The following KLHL3 variants were observed in gnomAD, a reference collection of about 807,000 sequenced individuals.
KLHL3 encodes the protein kelch-like protein 3.
KLHL3 carries 19 observed loss-of-function variants against 70.5 expected under a neutral mutation model. The observed-to-expected ratio is 0.27, with a 90% CI of 0.19 to 0.40. KLHL3 has a LOEUF of 0.40. Ranked by LOEUF, KLHL3 falls within the 10% of genes least tolerant of loss-of-function variation. KLHL3 has a pLI of 1.00. For missense variants in KLHL3, 512 were observed against 771.1 expected, an observed-to-expected ratio of 0.66 and a Z score of 3.98; for synonymous variants, 258 against 290.3, an observed-to-expected ratio of 0.89 and a Z score of 1.13.
In KLHL3 at chr5:137,705,127, G is replaced by A. The variant is rs141397798; in HGVS notation, c.241+4623C>T. Among the ~76,000 whole-genome samples, 1,398 of 152,310 alleles carry A rather than the reference G, an allele frequency of 9.2e-3. 24 individuals are homozygous for A. Among genetic ancestry groups the A allele is most frequent in the African/African-American group, 0.032 (1,314 of 41,552 alleles). ...CTCCCTGAAGGCCCACTTTGTCTAA[G>A]AAAAGAATTCTATTCCCTAGTTCTC... On this transcript the variant is annotated intron_variant, in intron 3 of 14. Transcript: ENST00000309755.
rs778555168 is a variant in KLHL3, at chr5:137,639,941, T to C, written c.940A>G (p.Ile314Val). ...IVVGGQAPKA[I>V]RSVECYDFEE... The stretch of plus-strand genomic sequence containing the variant: ...AAATCATAGCACTCCACACTGCGGA[T>C]TGCCTTGGGTGCCTGGCCGCCAACC... The change falls in exon 9 of 15, where the codon ATC becomes GTC. Residue 314 changes from isoleucine (I) to valine (V), a missense_variant. Transcript: ENST00000309755. This position sits in a 1 kb window ranked among gnomAD's most constrained non-coding sequence, Gnocchi z 5.0. 3.1e-6 allele frequency: 5 copies of C among 1,614,152 alleles called. No homozygotes were observed. The highest frequency in any genetic ancestry group is 4.2e-6 in the Non-Finnish European group (5 of 1,180,016).
chr5:137,630,409 G>A (rs1386020544), intron 12 of KLHL3, among the ~76,000 whole-genome samples: 1 of 152,100 alleles, frequency 6.6e-6, no homozygotes, highest in Admixed American at 6.5e-5. Context: ...AGTCTCCAAA[G>A]GCGGCTCCCT....
At chr5:137,708,037 G>A (rs1284549787) in intron 3 of KLHL3, among the ~76,000 whole-genome samples, 1 of 151,682 alleles carries the variant, frequency 6.6e-6, no homozygotes, top group Admixed American at 6.5e-5. Flanking sequence ...AAGGAAAGGG[G>A]GAAAAAAGGA....
At chr5:137,677,899 A>T (rs547028898) in intron 5 of KLHL3, among the ~76,000 whole-genome samples, 1 of 152,304 alleles carries the variant, frequency 6.6e-6, no homozygotes, top group Non-Finnish European at 1.5e-5. Flanking sequence ...AAAATGGGGC[A>T]GACAGATCTG....
chr5:137,710,401 C>T (rs931730303), intron 2 of KLHL3, among the ~76,000 whole-genome samples: 1 of 152,174 alleles, frequency 6.6e-6, no homozygotes, highest in Non-Finnish European at 1.5e-5. Context: ...TGCCTGCAAA[C>T]ACAGTGCTCC....
chr5:137,670,868 G>A (rs964125100), intron 6 of KLHL3, among the ~76,000 whole-genome samples: 1 of 151,612 alleles, frequency 6.6e-6, no homozygotes. Flanking sequence ...AGCTACTGAG[G>A]AGGCTGAGGC....
Position 137,619,265 on chromosome 5 carries a change from T to G in KLHL3, c.*2833A>C, listed in dbSNP as rs946412214. The stretch of plus-strand genomic sequence containing the variant: ...GGGAACTAGAATTAAGTATTCTTAT[T>G]GCATAGCAGAAAATGAGGTCAGTTT... On this transcript the variant is annotated 3_prime_UTR_variant, in exon 15 of 15. Transcript: ENST00000309755. 5 of 152,692 alleles carry G rather than the reference T, an allele frequency of 3.3e-5. No individual in the cohort carries two copies. Among genetic ancestry groups the G allele is most frequent in the African/African-American group, 1.2e-4 (5 of 41,470 alleles). The allele number at this position is 152,692 out of a possible 1,614,324, so 9.5% of individuals were successfully genotyped here. A position where few individuals can be genotyped will look rare whatever the true frequency, so the allele number is the denominator to read the frequency against.
In KLHL3 at chr5:137,706,150, C is replaced by T. The variant is rs949174467; in HGVS notation, c.241+3600G>A. 23 of 985,186 alleles carry T rather than the reference C, an allele frequency of 2.3e-5. No individual in the cohort carries two copies. The African/African-American group carries it at 2.4e-4, about 10-fold the overall frequency. 61.0% of individuals were successfully genotyped at this position (985,186 alleles called of 1,614,324 possible). ...TCAGGACATTTGGGCAACATGAACT[C>T]GGAAGACAAAAAAATAAAAACATTT... On this transcript the variant is annotated intron_variant, in intron 3 of 14. Coordinates refer to ENST00000309755, the MANE Select transcript of KLHL3 (RefSeq NM_017415.3).
intron 6 of KLHL3, among the ~76,000 whole-genome samples, chr5:137,668,664 A>C (rs753726124): frequency 1.3e-5 from 2 of 152,204 alleles, no homozygotes; most frequent in African/African-American, 2.4e-5. Context: ...AAAGCTTAAC[A>C]AGACTTGTGT....
intron 8 of KLHL3, among the ~76,000 whole-genome samples, chr5:137,640,403 G>A (rs1238373711): frequency 6.6e-6 from 1 of 152,200 alleles, no homozygotes; most frequent in Non-Finnish European, 1.5e-5. Context: ...TGCCTAGAAT[G>A]TAGGGTGCAC....
rs1756332124 is a variant in KLHL3, at chr5:137,619,427, G to A, written c.*2671C>T. The A allele has an allele frequency of 1.3e-5, 2 of 152,594 alleles. No individual in the cohort carries two copies. The highest frequency in any genetic ancestry group is 1.5e-5 in the Non-Finnish European group (1 of 68,020). 9.5% of individuals were successfully genotyped at this position (152,594 alleles called of 1,614,324 possible). A position where few individuals can be genotyped will look rare whatever the true frequency, so the allele number is the denominator to read the frequency against. On this transcript the variant is annotated 3_prime_UTR_variant, in exon 15 of 15. Transcript: ENST00000309755. ...TGGCGTCTCGGCTGCTTCTAACCTT[G>A]GGCCTCAATTCCATTTCACCACCGC...
chr5:137,735,145 C>T (rs1029991836), intron 1 of KLHL3, among the ~76,000 whole-genome samples: 1 of 152,174 alleles, frequency 6.6e-6, no homozygotes, highest in Non-Finnish European at 1.5e-5. Context: ...CACGCGCGCA[C>T]ACACACAGCC....
intron 2 of KLHL3, among the ~76,000 whole-genome samples, chr5:137,711,267 CAT>C (rs1752787774): frequency 1.3e-5 from 2 of 152,200 alleles, no homozygotes; most frequent in South Asian, 4.1e-4. Context: ...GAAATAGAAT[CAT>C]AAGGCCTGAA....
intron 4 of KLHL3, among the ~76,000 whole-genome samples, chr5:137,696,109 G>A (rs1752438920): frequency 1.3e-5 from 2 of 152,080 alleles, no homozygotes; most frequent in African/African-American, 4.8e-5. Flanking sequence ...TGAAAACACA[G>A]CAGAGGATAT....
intron 5 of KLHL3, among the ~76,000 whole-genome samples, chr5:137,689,364 A>G (rs1229269852): frequency 6.6e-6 from 1 of 152,282 alleles, no homozygotes; most frequent in Non-Finnish European, 1.5e-5. Flanking sequence ...TTGTTCTACC[A>G]AAAGACACAT....
intron 14 of KLHL3, among the ~76,000 whole-genome samples, chr5:137,625,004 C>G (rs1243978205): frequency 6.6e-6 from 1 of 152,242 alleles, no homozygotes; most frequent in Admixed American, 6.5e-5. Flanking sequence ...TGAACTCTGA[C>G]TTTGCCATTT....
intron 5 of KLHL3, 105 bp from the exon 6 acceptor site, chr5:137,677,759 A>AG (rs1024079887): frequency 2.3e-5 from 14 of 612,240 alleles, no homozygotes; most frequent in African/African-American, 3.8e-5. Flanking sequence ...GGAGCAGGCC[A>AG]GGGGGACCAT....
chr5:137,664,362 T>TA (rs1046240077), intron 6 of KLHL3, among the ~76,000 whole-genome samples: 5 of 150,298 alleles, frequency 3.3e-5, no homozygotes, highest in South Asian at 2.1e-4. Flanking sequence ...AAAAAAAAAT[T>TA]AAAAAAAATA....
At chr5:137,653,494 C>T (rs552501775) in intron 8 of KLHL3, among the ~76,000 whole-genome samples, 26 of 152,264 alleles carry the variant, frequency 1.7e-4, no homozygotes, top group African/African-American at 6.0e-4. Context: ...CAAATAGGCA[C>T]ATGAGAAAAT....
Sources: gnomAD v4.1 joint callset for allele counts (sites outside exome capture counted in the v4.1 genomes callset) on GRCh38, gnomAD v4.1.1 for gene constraint, Gnocchi (gnomAD v3.1) non-coding constraint, MANE v1.5 for transcripts, NCBI Gene and HGNC (gene_info 2026-07-23, HGNC 2026-07-21) for gene names.